Variants in DENND1B observed in about 807,000 individuals in gnomAD.
DENND1B encodes the protein DENN domain-containing protein 1B.
Under a neutral mutation model 90.1 loss-of-function variants are expected in DENND1B, and 59 were observed. The observed-to-expected ratio is 0.65, with a 90% CI of 0.53 to 0.81. DENND1B has a LOEUF of 0.81. Ranked by LOEUF, DENND1B falls within the 40% of genes least tolerant of loss-of-function variation. The pLI is 0.00. For synonymous variants in DENND1B, 337 were observed against 324.6 expected (o/e 1.04, Z -0.41); for missense variants, 862 against 912.6 (o/e 0.94, Z 0.71).
At chr1:197,739,965 AC>A (rs1663061788) in intron 2 of DENND1B, among the ~76,000 whole-genome samples, 1 of 152,220 alleles carries the variant, frequency 6.6e-6, no homozygotes, top group African/African-American at 2.4e-5. Flanking sequence ...CCTTTCAGTT[AC>A]CCTATGAAAA....
Position 197,611,937 on chromosome 1 carries a change from G to A in DENND1B, c.813C>T (p.Leu271=), listed in dbSNP as rs1209606287. The A allele has an allele frequency of 1.2e-6, 2 of 1,603,648 alleles. No homozygotes were observed. Among genetic ancestry groups the A allele is most frequent in the Non-Finnish European group, 1.7e-6 (2 of 1,173,066 alleles). Residue 271 remains leucine, a synonymous_variant, in exon 12 of 23, where the codon CTC becomes CTT. Coordinates refer to ENST00000620048, the MANE Select transcript of DENND1B (RefSeq NM_001195215.2). The stretch of plus-strand genomic sequence containing the variant: ...ATGTCTGAAAGATACTCACCTCTAT[G>A]AGGCTGGAGTGTATTCCAATCAGGT... ...MPYLIGIHSS[L]IERVKNKSLE...
chr1:197,581,710 A>G (rs1470445163), intron 15 of DENND1B, among the ~76,000 whole-genome samples: 1 of 152,196 alleles, frequency 6.6e-6, no homozygotes, highest in Non-Finnish European at 1.5e-5. Flanking sequence ...CTGTTTTATT[A>G]ACTTTATTAA....
intron 16 of DENND1B, among the ~76,000 whole-genome samples, chr1:197,549,407 A>G (rs1360655367): frequency 1.3e-5 from 2 of 152,186 alleles, no homozygotes; most frequent in Admixed American, 6.6e-5. Context: ...ATAAATGAAC[A>G]AATAAAAGAC....
In DENND1B at chr1:197,674,115, T is replaced by G. The variant is rs777795432; in HGVS notation, c.176+5A>C. Reference sequence around the variant, plus strand: ...CATTTATTTTAAATGATACTTATACTGTACCTTTCAACGTCAAAGGGAAAA... The same window carrying G: ...CATTTATTTTAAATGATACTTATACGGTACCTTTCAACGTCAAAGGGAAAA... On this transcript the variant is annotated splice_donor_5th_base_variant and intron_variant, in intron 4 of 22. Coordinates refer to ENST00000620048, the MANE Select transcript of DENND1B (RefSeq NM_001195215.2). The G allele has an allele frequency of 1.3e-6, 2 of 1,587,328 alleles. No homozygotes were observed. Among genetic ancestry groups the G allele is most frequent in the Non-Finnish European group, 1.7e-6 (2 of 1,159,958 alleles).
At chr1:197,724,259 A>T (rs896614321) in intron 2 of DENND1B, among the ~76,000 whole-genome samples, 32 of 152,178 alleles carry the variant, frequency 2.1e-4, no homozygotes, top group African/African-American at 7.2e-4. Context: ...AAAATATTTT[A>T]AAATTAATTT....
chr1:197,734,351 T>C (rs1662433786), intron 2 of DENND1B: 1 of 969,820 alleles, frequency 1.0e-6, no homozygotes, highest in Non-Finnish European at 1.2e-6. Flanking sequence ...CTCTCAAGTA[T>C]ATTAAGTTAT....
At chr1:197,632,175 A>G (rs1679386335) in intron 10 of DENND1B, among the ~76,000 whole-genome samples, 1 of 152,126 alleles carries the variant, frequency 6.6e-6, no homozygotes, top group Non-Finnish European at 1.5e-5. Context: ...TTATAAGGCC[A>G]CCAGTGTTAT....
chr1:197,698,760 C>A (rs1658715077), intron 3 of DENND1B, among the ~76,000 whole-genome samples: 1 of 152,012 alleles, frequency 6.6e-6, no homozygotes, highest in Non-Finnish European at 1.5e-5. Flanking sequence ...ATACAAACTA[C>A]CATCAGAGAA....
intron 3 of DENND1B, among the ~76,000 whole-genome samples, chr1:197,707,774 C>A (rs987801218): frequency 6.7e-6 from 1 of 148,588 alleles, no homozygotes; most frequent in Non-Finnish European, 1.5e-5. Flanking sequence ...CCAGCGTGAG[C>A]GACGCAGAAG....
intron 15 of DENND1B, among the ~76,000 whole-genome samples, chr1:197,572,033 T>G (rs766137902): frequency 6.6e-6 from 1 of 152,114 alleles, no homozygotes; most frequent in African/African-American, 2.4e-5. Context: ...CATTTCCGAT[T>G]GAGGTACATG....
intron 5 of DENND1B, among the ~76,000 whole-genome samples, chr1:197,667,685 C>A (rs1201507916): frequency 6.6e-6 from 1 of 152,156 alleles, no homozygotes; most frequent in Non-Finnish European, 1.5e-5. Context: ...AGGCGTGGGC[C>A]CCTGCACCAA....
At chr1:197,524,958 TA>T (rs1362486940) in intron 20 of DENND1B, among the ~76,000 whole-genome samples, 1 of 152,174 alleles carries the variant, frequency 6.6e-6, no homozygotes, top group East Asian at 1.9e-4. Flanking sequence ...AGTTTCTATC[TA>T]AAAGATCCCA....
intron 18 of DENND1B, among the ~76,000 whole-genome samples, chr1:197,543,100 A>G (rs988960739): frequency 9.2e-5 from 14 of 151,924 alleles, no homozygotes; most frequent in Non-Finnish European, 1.6e-4. Flanking sequence ...ACACCTGGAT[A>G]ATTTTTGTAT....
intron 2 of DENND1B, among the ~76,000 whole-genome samples, chr1:197,716,362 CATCTT>C (rs1483626403): frequency 3.3e-5 from 5 of 151,374 alleles, no homozygotes; most frequent in East Asian, 3.8e-4. Flanking sequence ...TAATTTAAAA[CATCTT>C]ATATAAGAAT....
At chr1:197,603,220 T>C (rs1226024039) in intron 13 of DENND1B, among the ~76,000 whole-genome samples, 1 of 151,344 alleles carries the variant, frequency 6.6e-6, no homozygotes, top group Non-Finnish European at 1.5e-5. Context: ...AATCCTAATT[T>C]AAATCAAATG....
chr1:197,703,730 A>AT (rs1163492083), intron 3 of DENND1B, among the ~76,000 whole-genome samples: 2 of 152,138 alleles, frequency 1.3e-5, no homozygotes, highest in Non-Finnish European at 2.9e-5. Context: ...TTACTGATTA[A>AT]TTTTTTTGCC....
At chr1:197,703,993 A>T (rs762182703) in intron 3 of DENND1B, among the ~76,000 whole-genome samples, 14 of 152,188 alleles carry the variant, frequency 9.2e-5, no homozygotes, top group Non-Finnish European at 1.2e-4. Context: ...CTGTAATCCC[A>T]GGACTCTGGG....
chr1:197,596,631 TACACATGC>T (rs1402776625), intron 13 of DENND1B, among the ~76,000 whole-genome samples: 1 of 151,168 alleles, frequency 6.6e-6, no homozygotes, highest in East Asian at 1.9e-4. Context: ...CACACATACA[TACACATGC>T]ACACATATAC....
At chr1:197,616,271 T>C (rs1256574540) in intron 11 of DENND1B, among the ~76,000 whole-genome samples, 1 of 151,034 alleles carries the variant, frequency 6.6e-6, no homozygotes, top group African/African-American at 2.4e-5. Flanking sequence ...TATACAAAGA[T>C]CTACTGCATA....
Sources: allele counts gnomAD v4.1 joint callset (sites outside exome capture counted in the v4.1 genomes callset), GRCh38; gene constraint gnomAD v4.1.1; transcripts MANE v1.5; gene names NCBI Gene and HGNC (gene_info 2026-07-23, HGNC 2026-07-21).